BACH2: variants seen among roughly 807,000 people sequenced by gnomAD.
The protein encoded by BACH2 is BACH transcriptional regulator 2, also known as transcription regulator protein BACH2.
A neutral mutation model predicts 61.8 loss-of-function variants in BACH2; 5 were observed. The ratio of observed to expected loss-of-function variants is 0.08; its 90% CI spans 0.04 to 0.17. The LOEUF is 0.17. Among genes scored for constraint, BACH2 ranks in the 10% least tolerant of loss-of-function variants. The pLI is 1.00. For synonymous variants in BACH2, 446 were observed against 440.1 expected, an observed-to-expected ratio of 1.01 and a Z score of -0.17; for missense variants, 824 against 1,091.1, an observed-to-expected ratio of 0.76 and a Z score of 3.45.
intron 3 of BACH2, among the ~76,000 whole-genome samples, chr6:90,236,332 G>T (rs1294972614): frequency 6.6e-6 from 1 of 152,234 alleles, no homozygotes; most frequent in Non-Finnish European, 1.5e-5. Flanking sequence ...CTAGGCCAGA[G>T]ACAAACCTGA....
chr6:90,067,478 G>C (rs1054520603), intron 5 of BACH2, among the ~76,000 whole-genome samples: 8 of 152,216 alleles, frequency 5.3e-5, no homozygotes, highest in Non-Finnish European at 7.3e-5. Context: ...TGTGGAGGCA[G>C]GAGACACTCA....
chr6:90,010,645 G>T (rs1050080535), intron 5 of BACH2, among the ~76,000 whole-genome samples: 3 of 152,168 alleles, frequency 2.0e-5, no homozygotes, highest in African/African-American at 7.2e-5. Context: ...GTATGTGTAA[G>T]CATAACTTTT....
intron 7 of BACH2, among the ~76,000 whole-genome samples, chr6:89,944,680 TTCTC>T (rs150534305): frequency 7.9e-5 from 12 of 151,028 alleles, no homozygotes; most frequent in East Asian, 5.8e-4. Flanking sequence ...CTCTCTTCCC[TTCTC>T]TCTCTCTCTC....
intron 3 of BACH2, among the ~76,000 whole-genome samples, chr6:90,218,879 T>G (rs1262273528): frequency 6.6e-6 from 1 of 150,820 alleles, no homozygotes; most frequent in Non-Finnish European, 1.5e-5. Context: ...TCCACTGGAG[T>G]TGGGGGACAT....
At chr6:90,035,561 G>A (rs896659089) in intron 5 of BACH2, among the ~76,000 whole-genome samples, 1 of 151,980 alleles carries the variant, frequency 6.6e-6, no homozygotes, top group Non-Finnish European at 1.5e-5. Context: ...AAAATTCACC[G>A]GGACTAAAAT....
At chr6:90,100,718 C>CACACAG (rs1288959246) in intron 4 of BACH2, among the ~76,000 whole-genome samples, 3 of 145,134 alleles carry the variant, frequency 2.1e-5, no homozygotes, top group African/African-American at 5.3e-5. Context: ...CACACACACA[C>CACACAG]ACACACACAG....
chr6:90,186,455 CT>C (rs751084591), intron 4 of BACH2, among the ~76,000 whole-genome samples: 10 of 150,596 alleles, frequency 6.6e-5, no homozygotes, highest in Non-Finnish European at 1.5e-4. Flanking sequence ...TAAACAGTAG[CT>C]TTTTGTTTTT....
intron 5 of BACH2, among the ~76,000 whole-genome samples, chr6:90,086,697 G>A (rs1781946986): frequency 1.3e-5 from 2 of 152,178 alleles, no homozygotes; most frequent in African/African-American, 4.8e-5. Flanking sequence ...CTGTAGACAG[G>A]AAACTGACTG....
intron 4 of BACH2, among the ~76,000 whole-genome samples, chr6:90,098,583 C>A (rs1206044389): frequency 2.0e-5 from 3 of 152,148 alleles, no homozygotes; most frequent in African/African-American, 7.2e-5. Context: ...TCCCCAGAAC[C>A]AGACGCATAG....
chr6:90,067,995 T>C (rs1287083633), intron 5 of BACH2, among the ~76,000 whole-genome samples: 1 of 152,204 alleles, frequency 6.6e-6, no homozygotes, highest in African/African-American at 2.4e-5. Context: ...AATGGGGATA[T>C]ATCAGTGAAT....
At chr6:90,135,351 C>T (rs184598547) in intron 4 of BACH2, among the ~76,000 whole-genome samples, 1 of 152,274 alleles carries the variant, frequency 6.6e-6, no homozygotes, top group African/African-American at 2.4e-5. Flanking sequence ...GCTTCTGCAC[C>T]AGTAACCCTC....
At chr6:89,943,543 C>T (rs1773561882) in intron 7 of BACH2, among the ~76,000 whole-genome samples, 1 of 152,148 alleles carries the variant, frequency 6.6e-6, no homozygotes, top group Admixed American at 6.5e-5. Context: ...GACTCTCTTG[C>T]TCTGGTAGAT....
chr6:90,100,706 C>CACACATACACACATACACAG (rs1463218195), intron 4 of BACH2, among the ~76,000 whole-genome samples: 1 of 143,172 alleles, frequency 7.0e-6, no homozygotes, highest in Non-Finnish European at 1.5e-5. Context: ...CACACAGACA[C>CACACATACACACATACACAG]ACACACACAC....
chr6:89,986,475 T>C (rs914511743), intron 6 of BACH2, among the ~76,000 whole-genome samples: 21 of 152,208 alleles, frequency 1.4e-4, no homozygotes, highest in African/African-American at 4.1e-4. Flanking sequence ...TCCCAATCTT[T>C]TCAGCCATTC....
In BACH2 at chr6:89,982,215, G is replaced by A. The variant is rs184739569; in HGVS notation, c.243+26387C>T. Among the ~76,000 whole-genome samples, 581 of 152,272 alleles carry A rather than the reference G, an allele frequency of 3.8e-3. 1 individual carries two copies. The highest frequency in any genetic ancestry group is 5.0e-3 in the Non-Finnish European group (340 of 68,026). ...CAGGGAGGTCAGCTCATAGAGAAAA[G>A]AGTCTAAAACAGTGGGCCTGAGGCA... On this transcript the variant is annotated intron_variant, in intron 6 of 8. Transcript: ENST00000257749.
intron 5 of BACH2, among the ~76,000 whole-genome samples, chr6:90,071,862 G>C (rs933044842): frequency 1.3e-5 from 2 of 152,150 alleles, no homozygotes; most frequent in African/African-American, 4.8e-5. Flanking sequence ...ATGTTATTAA[G>C]AAAATCATAA....
intron 6 of BACH2, among the ~76,000 whole-genome samples, chr6:89,990,989 G>A (rs1484181996): frequency 1.3e-5 from 2 of 152,130 alleles, no homozygotes; most frequent in African/African-American, 4.8e-5. Flanking sequence ...AGCCTTCCTT[G>A]GCCATCCCAT....
intron 5 of BACH2, among the ~76,000 whole-genome samples, chr6:90,072,177 T>C (rs775034995): frequency 5.3e-5 from 8 of 152,242 alleles, no homozygotes; most frequent in Non-Finnish European, 1.2e-4. Flanking sequence ...GAGTTGAAAG[T>C]TCTTCAACTT....
chr6:89,947,577 T>A (rs867227648), intron 7 of BACH2, among the ~76,000 whole-genome samples: 23 of 152,158 alleles, frequency 1.5e-4, no homozygotes, highest in Admixed American at 5.2e-4. Context: ...TTTCTTTTTT[T>A]TTTTTTGAGA....
Sources: allele counts gnomAD v4.1 joint callset (sites outside exome capture counted in the v4.1 genomes callset), GRCh38; gene constraint gnomAD v4.1.1; transcripts MANE v1.5; gene names NCBI Gene and HGNC (gene_info 2026-07-23, HGNC 2026-07-21).